GSK3B: variants seen among roughly 807,000 people sequenced by gnomAD.
The protein encoded by GSK3B is glycogen synthase kinase-3 beta.
Under a neutral mutation model 56.4 loss-of-function variants are expected in GSK3B, and 15 were observed. The ratio of observed to expected loss-of-function variants is 0.27; its 90% CI spans 0.18 to 0.41. The LOEUF is 0.41. GSK3B is among the 10% of genes least tolerant of loss of function. The pLI, the probability that GSK3B is intolerant of heterozygous loss-of-function variation, is 1.00. For synonymous variants in GSK3B, 181 were observed against 188.9 expected, an observed-to-expected ratio of 0.96 and a Z score of 0.34; for missense variants, 300 against 513.4, an observed-to-expected ratio of 0.58 and a Z score of 4.02.
intron 1 of GSK3B, among the ~76,000 whole-genome samples, chr3:120,038,405 A>G (rs1277178161): frequency 6.6e-6 from 1 of 152,114 alleles, no homozygotes; most frequent in Non-Finnish European, 1.5e-5. Context: ...GTCCACACCT[A>G]TGATACCAAC....
chr3:120,066,734 C>T (rs193229605), intron 1 of GSK3B, among the ~76,000 whole-genome samples: 26 of 152,288 alleles, frequency 1.7e-4, no homozygotes, highest in Non-Finnish European at 3.2e-4. Flanking sequence ...ATATTTTAGG[C>T]TTTGCAGGAC....
At chr3:119,846,539 A>G (rs985697577) in intron 9 of GSK3B, among the ~76,000 whole-genome samples, 1 of 152,234 alleles carries the variant, frequency 6.6e-6, no homozygotes, top group Admixed American at 6.5e-5. Context: ...TATGAAAAAA[A>G]GCTCATCATC....
In GSK3B at chr3:120,027,458, A is replaced by G. The variant is rs539840347; in HGVS notation, c.89-25219T>C. ...TACTTCCCTTTCTAGGAATATGGCA[A>G]AAGAAAGTAAAAAGAAACTGGAAGA... On this transcript the variant is annotated intron_variant, in intron 1 of 10. Transcript: ENST00000264235. Among the ~76,000 whole-genome samples the G allele has an allele frequency of 5.3e-4, 80 of 152,280 alleles. 1 individual carries two copies. In the South Asian group the frequency reaches 9.3e-3, roughly 18 times the overall value.
At chr3:119,850,069 GTATGTA>G in intron 9 of GSK3B, among the ~76,000 whole-genome samples, 1 of 130,872 alleles carries the variant, frequency 7.6e-6, no homozygotes, top group Admixed American at 8.2e-5. Flanking sequence ...ATGTATGTAT[GTATGTA>G]AAAAGACTGT....
intron 1 of GSK3B, among the ~76,000 whole-genome samples, chr3:120,061,853 C>A (rs2058239329): frequency 6.6e-6 from 1 of 152,166 alleles, no homozygotes; most frequent in Non-Finnish European, 1.5e-5. Context: ...CTGCCTCAGC[C>A]TCCCCAGTAG....
chr3:120,018,779 G>T (rs1301632996), intron 1 of GSK3B, among the ~76,000 whole-genome samples: 1 of 152,048 alleles, frequency 6.6e-6, no homozygotes, highest in African/African-American at 2.4e-5. Context: ...GATATACAAA[G>T]CTACCTGAGA....
chr3:120,034,252 T>C (rs978614071), intron 1 of GSK3B, among the ~76,000 whole-genome samples: 1 of 152,234 alleles, frequency 6.6e-6, no homozygotes, highest in African/African-American at 2.4e-5. Context: ...TTTTCTTTTG[T>C]TGCTTGTGTG....
intron 7 of GSK3B, among the ~76,000 whole-genome samples, chr3:119,880,249 T>C (rs891019947): frequency 6.6e-6 from 1 of 152,238 alleles, no homozygotes. Flanking sequence ...ATATACCTGT[T>C]TGCCATCTGT....
intron 1 of GSK3B, among the ~76,000 whole-genome samples, chr3:120,068,795 T>C (rs564342919): frequency 6.6e-6 from 1 of 151,814 alleles, no homozygotes; most frequent in South Asian, 2.1e-4. Context: ...ATTATAGAAA[T>C]TGATGATGGA....
intron 8 of GSK3B, among the ~76,000 whole-genome samples, chr3:119,873,759 C>CT (rs1451661796): frequency 2.0e-5 from 3 of 152,114 alleles, no homozygotes; most frequent in Admixed American, 2.0e-4. Flanking sequence ...TCTGAATTTA[C>CT]TTTTTTGTTT....
At chr3:120,037,346 C>T (rs1183696889) in intron 1 of GSK3B, among the ~76,000 whole-genome samples, 1 of 152,126 alleles carries the variant, frequency 6.6e-6, no homozygotes, top group Non-Finnish European at 1.5e-5. Context: ...AATAGCTTAT[C>T]CAATTATCCA....
intron 9 of GSK3B, among the ~76,000 whole-genome samples, chr3:119,850,132 G>A (rs929717226): frequency 6.6e-6 from 1 of 151,768 alleles, no homozygotes. Flanking sequence ...TGAAGGGTAA[G>A]GGGAAAAAAA....
intron 6 of GSK3B, among the ~76,000 whole-genome samples, chr3:119,906,309 A>G (rs916064881): frequency 1.3e-5 from 2 of 152,094 alleles, no homozygotes; most frequent in African/African-American, 2.4e-5. Context: ...CACTTTTAAG[A>G]CTTTAAATGG....
chr3:119,915,192 A>G (rs888397044), intron 5 of GSK3B, among the ~76,000 whole-genome samples: 8 of 152,110 alleles, frequency 5.3e-5, no homozygotes, highest in African/African-American at 1.9e-4. Flanking sequence ...TTAAAAGCAG[A>G]AAGTTTGATG....
chr3:120,082,772 AT>A (rs1014326618), intron 1 of GSK3B, among the ~76,000 whole-genome samples: 1 of 152,166 alleles, frequency 6.6e-6, no homozygotes, highest in Non-Finnish European at 1.5e-5. Context: ...AATGTAAAAT[AT>A]CTCAATAATT....
intron 3 of GSK3B, among the ~76,000 whole-genome samples, chr3:119,927,257 A>C (rs1211224243): frequency 6.6e-6 from 1 of 152,230 alleles, no homozygotes; most frequent in African/African-American, 2.4e-5. Context: ...GAAGAAAAAA[A>C]TTAGATTACA....
intron 3 of GSK3B, among the ~76,000 whole-genome samples, chr3:119,926,354 A>ACC (rs975794952): frequency 2.8e-5 from 4 of 140,822 alleles, no homozygotes; most frequent in African/African-American, 8.7e-5. Flanking sequence ...ACACACACAC[A>ACC]CCCCTATACC....
intron 1 of GSK3B, among the ~76,000 whole-genome samples, chr3:120,066,443 G>A (rs370972954): frequency 2.0e-5 from 3 of 152,248 alleles, no homozygotes; most frequent in African/African-American, 7.2e-5. Context: ...GACAATTAAA[G>A]AGAATAGATT....
chr3:120,079,682 A>G (rs1260213253), intron 1 of GSK3B, among the ~76,000 whole-genome samples: 1 of 152,192 alleles, frequency 6.6e-6, no homozygotes, highest in Non-Finnish European at 1.5e-5. Context: ...GGAGTGAGCC[A>G]CCGCACCCGG....
Sources: gnomAD v4.1 joint callset for allele counts (sites outside exome capture counted in the v4.1 genomes callset) on GRCh38, gnomAD v4.1.1 for gene constraint, MANE v1.5 for transcripts, NCBI Gene and HGNC (gene_info 2026-07-23, HGNC 2026-07-21) for gene names.